RPL11: variants seen among roughly 807,000 people sequenced by gnomAD.
RPL11 encodes the protein ribosomal protein L11, also known as large ribosomal subunit protein uL5.
In RPL11, 3 loss-of-function variants were observed where a neutral mutation model predicts 24.1. The observed-to-expected ratio is 0.12, with a 90% CI of 0.06 to 0.32. RPL11 has a LOEUF of 0.32. RPL11 is among the 10% of genes least tolerant of loss of function. The probability of loss-of-function intolerance (pLI) is 1.00; values close to 1 mark genes in which losing one functional copy is unlikely to be tolerated. For missense variants in RPL11, 146 were observed against 225.7 expected (o/e 0.65, Z 2.26); for synonymous variants, 96 against 75.7 (o/e 1.27, Z -1.39).
In RPL11 at chr1:23,696,607, G is replaced by C; in HGVS notation, c.*234G>C. 1 of 599,310 alleles carries C rather than the reference G, an allele frequency of 1.7e-6. No individual in the cohort carries two copies. Among genetic ancestry groups the C allele is most frequent in the Non-Finnish European group, 3.0e-6 (1 of 334,916 alleles). The allele number at this position is 599,310 out of a possible 1,614,324, so 37.1% of individuals were successfully genotyped here. ...TCATTGCCTGTGCTTGCCACACCTT[G>C]GTTGATGTGCTGTGGTGCAGTAGCC... On this transcript the variant is annotated 3_prime_UTR_variant, in exon 6 of 6. Coordinates refer to ENST00000643754, the MANE Select transcript of RPL11 (RefSeq NM_000975.5).
chr1:23,695,353 C>A (rs7551262), intron 4 of RPL11: 269,852 of 272,370 alleles, frequency 0.99, 133,722 homozygotes, highest in East Asian at 1. Context: ...AGTAATAAGA[C>A]TTGGATACTC....
rs1412214354 is a variant in RPL11, at chr1:23,696,112, G to T, written c.507+204G>T. On this transcript the variant is annotated intron_variant, in intron 5 of 5. Transcript: ENST00000643754. The stretch of plus-strand genomic sequence containing the variant: ...GGCCTTCTCCCTGTCACCATGAATG[G>T]GGGTAGATGGAAGGGGAGGAATATG... 2.0e-5 allele frequency among the ~76,000 whole-genome samples: 3 copies of T among 152,156 alleles called. No individual in the cohort carries two copies. The East Asian group carries it at 5.8e-4, about 29-fold the overall frequency.
At chr1:23,692,882 G>A in intron 2 of RPL11, 123 bp downstream of exon 2, 1 of 1,249,382 alleles carries the variant, frequency 8.0e-7, no homozygotes, top group Non-Finnish European at 1.1e-6. Context: ...TTAAATTCAT[G>A]AGCCGGCCAA....
intron 1 of RPL11, 189 bp downstream of exon 1, chr1:23,692,018 T>C (rs1337454846): frequency 5.1e-6 from 4 of 790,006 alleles, no homozygotes; most frequent in Admixed American, 4.6e-5. Flanking sequence ...GCCATCGTTT[T>C]AGGAGCGGCT....
In RPL11 at chr1:23,694,704, A is replaced by C; in HGVS notation, c.309A>C (p.Gly103=). The C allele has an allele frequency of 6.2e-7, 1 of 1,614,110 alleles. No homozygotes were observed. The highest frequency in any genetic ancestry group is 1.1e-5 in the South Asian group (1 of 91,080). Residue 103 remains glycine, a synonymous_variant, in exon 4 of 6, where the codon GGA becomes GGC. Coordinates refer to ENST00000643754, the MANE Select transcript of RPL11 (RefSeq NM_000975.5). Reference sequence around the variant, plus strand: ...GAAAAAACAACTTCTCAGATACTGGAAACTTTGGTTTTGGGATCCAGGAAC... The same window carrying C: ...GAAAAAACAACTTCTCAGATACTGGCAACTTTGGTTTTGGGATCCAGGAAC... ...ELRKNNFSDT[G]NFGFGIQEHI... is the part of the protein sequence containing the mutation.
chr1:23,694,968 C>T (rs1253533860), intron 4 of RPL11, 177 bp downstream of exon 4: 2 of 926,432 alleles, frequency 2.2e-6, no homozygotes, highest in Non-Finnish European at 3.4e-6. Context: ...GGGTGCAGCT[C>T]TGAACAAGGT....
At chr1:23,692,900 CTTTTT>C in intron 2 of RPL11, 141 bp downstream of exon 2, 8 of 644,454 alleles carry the variant, frequency 1.2e-5, no homozygotes, top group Middle Eastern at 4.6e-4. Flanking sequence ...CAAGAGGTGT[CTTTTT>C]TTTTTTTTTT....
In RPL11 at chr1:23,695,904, A is replaced by G. The variant is rs1214083321; in HGVS notation, c.503A>G (p.Gln168Arg). The G allele has an allele frequency of 1.3e-6, 2 of 1,574,654 alleles. No individual in the cohort carries two copies. Among genetic ancestry groups the G allele is most frequent in the South Asian group, 1.2e-5 (1 of 85,622 alleles). Residue 168 changes from glutamine to arginine, a missense_variant, in exon 5 of 6, where the codon CAG becomes CGG. Transcript: ENST00000643754. The stretch of plus-strand genomic sequence containing the variant: ...GAGGAGGCCATGCGCTGGTTCCAGC[A>G]GAAGGTAAAGCTGATTTATCTCAAG... ...SKEEAMRWFQ[Q>R]KYDGIILPGK
chr1:23,696,069 A>G (rs879099403), intron 5 of RPL11, 161 bp downstream of exon 5: 27 of 810,132 alleles, frequency 3.3e-5, no homozygotes, highest in Middle Eastern at 4.4e-4. Context: ...TGATGGTTTA[A>G]AAGAACATCC....
At chr1:23,696,220 A>G (rs1644532068) in intron 5 of RPL11, 124 bp from the exon 6 acceptor site, 1 of 948,524 alleles carries the variant, frequency 1.1e-6, no homozygotes, top group African/African-American at 1.6e-5. Flanking sequence ...TTTAGTCCAG[A>G]AAAGGATGGG....
intron 4 of RPL11, chr1:23,694,995 G>C (rs962652415): frequency 4.1e-6 from 3 of 730,448 alleles, no homozygotes; most frequent in African/African-American, 3.5e-5. Flanking sequence ...GATCCCTGCT[G>C]TTGGGGAACT....
In RPL11 at chr1:23,696,724, C is replaced by T. The variant is rs543969219; in HGVS notation, c.*351C>T. ...AGTGCTCCTGTGTTCCAGGAGGCCC[C>T]CTGCTATTCAGTGATTCTGTTCTGT... On this transcript the variant is annotated 3_prime_UTR_variant, in exon 6 of 6. Transcript: ENST00000643754. 55 of 396,030 alleles carry T rather than the reference C, an allele frequency of 1.4e-4. No homozygotes were observed. The highest frequency in any genetic ancestry group is 9.4e-4 in the African/African-American group (46 of 48,960). The allele number at this position is 396,030 out of a possible 1,614,324, so 24.5% of individuals were successfully genotyped here. A position where few individuals can be genotyped will look rare whatever the true frequency, so the allele number is the denominator to read the frequency against.
At chr1:23,692,379 A>G (rs983357336) in intron 1 of RPL11, 4 of 537,956 alleles carry the variant, frequency 7.4e-6, no homozygotes, top group Non-Finnish European at 1.3e-5. Context: ...ATCTTTTAAC[A>G]CTCAATAACT....
At chr1:23,694,271 G>A (rs1644519964) in intron 3 of RPL11, among the ~76,000 whole-genome samples, 1 of 151,998 alleles carries the variant, frequency 6.6e-6, no homozygotes, top group Admixed American at 6.6e-5. Flanking sequence ...CCAGCTACTC[G>A]GGAAGCTGAG....
At chr1:23,693,196 G>A (rs1328582229) in intron 2 of RPL11, among the ~76,000 whole-genome samples, 1 of 152,178 alleles carries the variant, frequency 6.6e-6, no homozygotes, top group Non-Finnish European at 1.5e-5. Flanking sequence ...CAGATTGCCT[G>A]GGTTTGAGTG....
At chr1:23,692,033 G>C in intron 1 of RPL11, 1 of 703,526 alleles carries the variant, frequency 1.4e-6, no homozygotes, top group Non-Finnish European at 2.4e-6. Flanking sequence ...GCGGCTCCGG[G>C]CACTTGCCCG....
chr1:23,695,343 A>G (rs1374132113), intron 4 of RPL11: 1 of 276,010 alleles, frequency 3.6e-6, no homozygotes, highest in Non-Finnish European at 7.0e-6. Flanking sequence ...TAGACAGACA[A>G]GTAATAAGAC....
intron 3 of RPL11, 89 bp downstream of exon 3, chr1:23,694,002 G>GC: frequency 1.0e-6 from 1 of 983,010 alleles, no homozygotes; most frequent in Non-Finnish European, 1.6e-6. Flanking sequence ...CTGTTCTTTG[G>GC]TGTCTTGATA....
chr1:23,693,364 C>T (rs1644513151), intron 2 of RPL11, among the ~76,000 whole-genome samples: 1 of 152,194 alleles, frequency 6.6e-6, no homozygotes, highest in Non-Finnish European at 1.5e-5. Flanking sequence ...TTGGATTCCA[C>T]TCCTGCTTTT....
Sources: gnomAD v4.1 joint callset for allele counts (sites outside exome capture counted in the v4.1 genomes callset) on GRCh38, gnomAD v4.1.1 for gene constraint, MANE v1.5 for transcripts, NCBI Gene and HGNC (gene_info 2026-07-23, HGNC 2026-07-21) for gene names.